Variants in PPL observed in about 807,000 individuals in gnomAD.
The protein encoded by PPL is periplakin.
A neutral mutation model predicts 194.4 loss-of-function variants in PPL; 198 were observed. The observed-to-expected ratio is 1.02, with a 90% CI of 0.91 to 1.15. PPL has a LOEUF of 1.15. Ranked by LOEUF, PPL falls within the 50% of genes most tolerant of loss-of-function variation. PPL has a pLI of 0.00. For missense variants in PPL, 2,885 were observed against 2,294.8 expected, an observed-to-expected ratio of 1.26 and a Z score of -5.25; for synonymous variants, 1,220 against 972.4, an observed-to-expected ratio of 1.25 and a Z score of -4.74.
chr16:4,903,975 C>T lies in PPL; in HGVS notation c.228G>A (p.Leu76=), dbSNP rs748044837. 4 of 1,613,910 alleles carry T rather than the reference C, an allele frequency of 2.5e-6. No homozygotes were observed. The highest frequency in any genetic ancestry group is 1.3e-5 in the African/African-American group (1 of 75,052). Residue 76 remains leucine, a synonymous_variant, in exon 3 of 22, where the codon TTG becomes TTA. Transcript: ENST00000345988. ...EHRDVTLQKV[L]DSEKLLYVLE... The stretch of plus-strand genomic sequence containing the variant: ...GCACATAGAGCAGCTTCTCAGAGTC[C>T]AACACCTTCTGCAGGGTCACGTCCC...
intron 17 of PPL, 103 bp downstream of exon 17, chr16:4,890,625 A>AG: frequency 7.2e-7 from 1 of 1,392,648 alleles, no homozygotes; most frequent in African/African-American, 1.5e-5. Context: ...CTCACCAAAA[A>AG]GAAAAACAGC....
intron 2 of PPL, among the ~76,000 whole-genome samples, chr16:4,908,860 G>A (rs998850178): frequency 3.3e-5 from 5 of 152,170 alleles, no homozygotes; most frequent in East Asian, 1.9e-4. Flanking sequence ...AATTCACTTT[G>A]TTATGCTTGT....
At chr16:4,930,574 T>C (rs778915858) in intron 1 of PPL, among the ~76,000 whole-genome samples, 44 of 152,126 alleles carry the variant, frequency 2.9e-4, no homozygotes, top group South Asian at 8.3e-4. Flanking sequence ...AGCACCAGTG[T>C]CTGGGGGAAG....
chr16:4,905,216 G>A (rs370326237), intron 2 of PPL, among the ~76,000 whole-genome samples: 29 of 152,300 alleles, frequency 1.9e-4, no homozygotes, highest in African/African-American at 5.8e-4. Context: ...TGGGCATAAG[G>A]AAAATACCCG....
At chr16:4,916,478 C>G (rs1040407584) in intron 1 of PPL, among the ~76,000 whole-genome samples, 10 of 151,500 alleles carry the variant, frequency 6.6e-5, no homozygotes, top group Non-Finnish European at 1.3e-4. Flanking sequence ...TCCCAAAGTG[C>G]TGGGATTACA....
chr16:4,887,008 G>T, intron 21 of PPL, 127 bp downstream of exon 21: 2 of 780,320 alleles, frequency 2.6e-6, no homozygotes, highest in Non-Finnish European at 2.2e-6. Flanking sequence ...TCTTTGCATT[G>T]GCCCTGCCCA....
intron 9 of PPL, among the ~76,000 whole-genome samples, chr16:4,896,456 T>C (rs914615143): frequency 6.6e-6 from 1 of 152,114 alleles, no homozygotes; most frequent in Non-Finnish European, 1.5e-5. Flanking sequence ...GAAAACATGA[T>C]GCTCAGTGAG....
At position 4,886,165 on chromosome 16, in the gene PPL, T is replaced by C. The variant is rs2088216670; in HGVS notation, c.2608-118A>G. The stretch of plus-strand genomic sequence containing the variant: ...CCCCAAGGGACTCCCTCAGTGCCAG[T>C]TCATGTTAGTTGTAGAGTTCTAGGG... On this transcript the variant is annotated intron_variant, in intron 21 of 21. Transcript: ENST00000345988. 3 of 1,253,824 alleles carry C rather than the reference T, an allele frequency of 2.4e-6. No individual in the cohort carries two copies. In the African/African-American group the frequency reaches 4.6e-5, roughly 19 times the overall value. The allele number at this position is 1,253,824 out of a possible 1,614,324, so 77.7% of individuals were successfully genotyped here. A position where few individuals can be genotyped will look rare whatever the true frequency, so the allele number is the denominator to read the frequency against.
At chr16:4,897,448 G>A (rs1413690384) in intron 9 of PPL, among the ~76,000 whole-genome samples, 1 of 152,100 alleles carries the variant, frequency 6.6e-6, no homozygotes, top group Non-Finnish European at 1.5e-5. Context: ...TGTGACCTGG[G>A]GAATCAGACT....
At chr16:4,920,919 T>C (rs1449560561) in intron 1 of PPL, among the ~76,000 whole-genome samples, 1 of 152,164 alleles carries the variant, frequency 6.6e-6, no homozygotes, top group Non-Finnish European at 1.5e-5. Context: ...ACATTGTTTA[T>C]ACAATTCGGG....
chr16:4,916,721 T>G (rs2088924217), intron 1 of PPL, among the ~76,000 whole-genome samples: 1 of 151,762 alleles, frequency 6.6e-6, no homozygotes, highest in Non-Finnish European at 1.5e-5. Context: ...CCCCAGCTGG[T>G]CTTGAACCCC....
intron 21 of PPL, among the ~76,000 whole-genome samples, chr16:4,886,899 G>A (rs927145070): frequency 6.6e-6 from 1 of 152,356 alleles, no homozygotes; most frequent in Admixed American, 6.5e-5. Context: ...GATTACAAGC[G>A]TGAGCCACCA....
intron 4 of PPL, among the ~76,000 whole-genome samples, chr16:4,901,592 G>A (rs2088571660): frequency 6.6e-6 from 1 of 152,088 alleles, no homozygotes; most frequent in Admixed American, 6.5e-5. Flanking sequence ...GAGAGGCTGA[G>A]GTGGGAGGAT....
chr16:4,923,064 T>A (rs1426997673), intron 1 of PPL, among the ~76,000 whole-genome samples: 1 of 152,168 alleles, frequency 6.6e-6, no homozygotes, highest in Non-Finnish European at 1.5e-5. Flanking sequence ...TTTGGGGATT[T>A]GAAGGGTACA....
chr16:4,907,308 TCACACACACACACACA>T (rs56210938), intron 2 of PPL, among the ~76,000 whole-genome samples: 9,590 of 145,370 alleles, frequency 0.066, 339 homozygotes, highest in African/African-American at 0.093. Context: ...ATATCTAATC[TCACACACACACACACA>T]CACACACACA....
intron 1 of PPL, 48 bp from the exon 2 acceptor site, chr16:4,910,997 G>A: frequency 6.6e-7 from 1 of 1,509,834 alleles, no homozygotes; most frequent in East Asian, 2.3e-5. Flanking sequence ...TGGTGGGTGG[G>A]GGCTATGTCC....
At chr16:4,928,839 C>G (rs1045557263) in intron 1 of PPL, among the ~76,000 whole-genome samples, 6 of 151,832 alleles carry the variant, frequency 4.0e-5, no homozygotes, top group Non-Finnish European at 8.8e-5. Context: ...GGTGAAACCC[C>G]GTCTCTACTA....
Position 4,885,134 on chromosome 16 carries a change from A to G in PPL, c.3521T>C (p.Val1174Ala), listed in dbSNP as rs1429197591. The change falls in exon 22 of 22, where the codon GTG becomes GCG. Residue 1174 changes from valine (V) to alanine (A), a missense_variant. Transcript: ENST00000345988. This position sits in a 1 kb window ranked among gnomAD's most constrained non-coding sequence, Gnocchi z 6.3. ...GGGGTCTGGCCGCACGATCTCCCGC[A>G]CCTTCTCCTGCACCACCACTTTGGC... ...ENAKVVVQEKVREIVRPDPKA... is the reference protein window; with the variant it reads ...ENAKVVVQEKAREIVRPDPKA... 3 of 1,613,858 alleles carry G rather than the reference A, an allele frequency of 1.9e-6. No homozygotes were observed. Among genetic ancestry groups the G allele is most frequent in the Admixed American group, 1.7e-5 (1 of 60,018 alleles).
rs759773243 is a variant in PPL at position 4,890,261 on chromosome 16, G to A, written c.2236C>T (p.Leu746=). 5.6e-6 allele frequency: 9 copies of A among 1,614,238 alleles called. No homozygotes were observed. In the South Asian group the frequency reaches 8.8e-5, roughly 16 times the overall value. The change falls in exon 18 of 22, where the codon CTA becomes TTA. Residue 746 remains leucine (L), a synonymous_variant. Coordinates refer to ENST00000345988, the MANE Select transcript of PPL (RefSeq NM_002705.5). ...HRGHDHVLQF[L]VSIPSYEPQE... ...GGCTCGTAACTGGGGATGCTGACTA[G>A]GAACTGCAGCACGTGGTCATGGCCG...
Sources: allele counts gnomAD v4.1 joint callset (sites outside exome capture counted in the v4.1 genomes callset), GRCh38; gene constraint gnomAD v4.1.1; non-coding constraint Gnocchi (gnomAD v3.1); transcripts MANE v1.5; gene names NCBI Gene and HGNC (gene_info 2026-07-23, HGNC 2026-07-21).